Variants in METTL15 observed in about 807,000 individuals in gnomAD.
METTL15 encodes methyltransferase 15, mitochondrial 12S rRNA N4-cytidine.
METTL15 carries 34 observed loss-of-function variants against 38.3 expected under a neutral mutation model. The ratio of observed to expected loss-of-function variants is 0.89; its 90% CI spans 0.68 to 1.18. The LOEUF is 1.18. METTL15 is among the 50% of genes most tolerant of loss of function. The probability of loss-of-function intolerance (pLI) is 0.00; values close to 1 mark genes in which losing one functional copy is unlikely to be tolerated. For missense variants in METTL15, 438 were observed against 498.4 expected, an observed-to-expected ratio of 0.88 and a Z score of 1.15; for synonymous variants, 162 against 170.9, an observed-to-expected ratio of 0.95 and a Z score of 0.41.
intron 6 of METTL15, among the ~76,000 whole-genome samples, chr11:28,463,889 C>T (rs942448147): frequency 6.6e-6 from 1 of 152,068 alleles, no homozygotes; most frequent in Non-Finnish European, 1.5e-5. Context: ...ACTTCTACCA[C>T]TGGGTGGAAC....
chr11:28,257,079 C>A (rs1855002375), intron 4 of METTL15, among the ~76,000 whole-genome samples: 1 of 152,018 alleles, frequency 6.6e-6, no homozygotes, highest in African/African-American at 2.4e-5. Flanking sequence ...TCGGATGGGT[C>A]TGGTGTTCAT....
At chr11:28,180,677 G>A (rs190917835) in intron 3 of METTL15, among the ~76,000 whole-genome samples, 1 of 151,764 alleles carries the variant, frequency 6.6e-6, no homozygotes, top group Non-Finnish European at 1.5e-5. Context: ...TAGTAGTCTT[G>A]TTTTCTGAGA....
At chr11:28,339,100 CT>C (rs1302003577) in intron 3 of METTL15, among the ~76,000 whole-genome samples, 1 of 152,020 alleles carries the variant, frequency 6.6e-6, no homozygotes, top group Non-Finnish European at 1.5e-5. Context: ...CATCTTAGCC[CT>C]TGAAGTTGGA....
At chr11:28,367,156 G>A (rs969486616) in intron 5 of METTL15, among the ~76,000 whole-genome samples, 3 of 151,326 alleles carry the variant, frequency 2.0e-5, no homozygotes, top group South Asian at 4.2e-4. Flanking sequence ...CTGACTCAGA[G>A]TGTTGACAGG....
chr11:28,111,357 A>C (rs1030861987), intron 2 of METTL15, among the ~76,000 whole-genome samples: 2 of 152,228 alleles, frequency 1.3e-5, no homozygotes, highest in Non-Finnish European at 2.9e-5. Context: ...TTTAGTTATC[A>C]AAATCTGGAC....
chr11:28,311,943 G>T (rs569010585), intron 6 of METTL15, among the ~76,000 whole-genome samples: 2 of 152,306 alleles, frequency 1.3e-5, no homozygotes, highest in Admixed American at 6.5e-5. Context: ...AGCAGGTAGA[G>T]ATATCAGTGG....
chr11:28,396,921 C>T (rs1397807984), intron 5 of METTL15, among the ~76,000 whole-genome samples: 1 of 152,092 alleles, frequency 6.6e-6, no homozygotes, highest in African/African-American at 2.4e-5. Context: ...GAACAGAGCC[C>T]TCAGAAATAA....
chr11:28,180,607 G>C (rs1397075979), intron 3 of METTL15, among the ~76,000 whole-genome samples: 1 of 151,586 alleles, frequency 6.6e-6, no homozygotes, highest in Non-Finnish European at 1.5e-5. Context: ...CCTTTTCTTT[G>C]TACTTCTCTT....
In METTL15 at chr11:28,113,480, C is replaced by A; in HGVS notation, c.146C>A (p.Thr49Lys). ...AGAGAATATGAAGCCCGGGAGCAAA[C>A]AGATCAAACTCAAGCCCAGGAGTTA... Reference protein sequence around the residue: ...KYREYEAREQTDQTQAQELHR... With the variant: ...KYREYEAREQKDQTQAQELHR... The change falls in exon 3 of 7, where the codon ACA becomes AAA. Residue 49 changes from threonine to lysine, a missense_variant. Transcript: ENST00000407364. 1 of 1,612,602 alleles carries A rather than the reference C, an allele frequency of 6.2e-7. No homozygotes were observed. The highest frequency in any genetic ancestry group is 8.5e-7 in the Non-Finnish European group (1 of 1,179,814).
rs1349803905 is a variant in METTL15 at position 28,327,932 on chromosome 11, A to G, written c.779-2464A>G. The G allele has an allele frequency of 1.4e-5, 5 of 348,964 alleles. No homozygotes were observed. In the East Asian group the frequency reaches 1.7e-4, roughly 12 times the overall value. 21.6% of individuals were successfully genotyped at this position (348,964 alleles called of 1,614,324 possible). A position where few individuals can be genotyped will look rare whatever the true frequency, so the allele number is the denominator to read the frequency against. Reference sequence around the variant, plus strand: ...AAAATGTCAATAAAGTTAAGCAGTTATGTTGAACCATCATTTTAATTTCTG... The same window carrying G: ...AAAATGTCAATAAAGTTAAGCAGTTGTGTTGAACCATCATTTTAATTTCTG... On this transcript the variant is annotated intron_variant, in intron 6 of 6. Coordinates refer to ENST00000407364, the MANE Select transcript of METTL15 (RefSeq NM_001113528.2).
chr11:28,410,514 T>A (rs1850715296), intron 5 of METTL15, among the ~76,000 whole-genome samples: 1 of 152,076 alleles, frequency 6.6e-6, no homozygotes, highest in Non-Finnish European at 1.5e-5. Flanking sequence ...GAATAAAAAG[T>A]ATAAACACTT....
chr11:28,122,353 GTGTGTGTGTGTGTGTGTGTA>G (rs1852283698), intron 3 of METTL15, among the ~76,000 whole-genome samples: 1 of 116,432 alleles, frequency 8.6e-6, no homozygotes, highest in Non-Finnish European at 1.8e-5. Flanking sequence ...GTGTGTGTGT[GTGTGTGTGTGTGTGTGTGTA>G]TATATATATA....
chr11:28,288,430 TAGACTGGATAAAGAAATGTG>T (rs1239328723), intron 4 of METTL15, among the ~76,000 whole-genome samples: 30 of 152,088 alleles, frequency 2.0e-4, no homozygotes, highest in Non-Finnish European at 1.5e-4. Flanking sequence ...CCATTAATGG[TAGACTGGATAAAGAAATGTG>T]GTACATATAC....
At chr11:28,294,006 G>T (rs1026588606) in intron 5 of METTL15, among the ~76,000 whole-genome samples, 1 of 152,084 alleles carries the variant, frequency 6.6e-6, no homozygotes, top group Non-Finnish European at 1.5e-5. Context: ...CTGCAAACAG[G>T]GACAATTTGA....
chr11:28,190,381 G>A (rs937036347), intron 3 of METTL15, among the ~76,000 whole-genome samples: 5 of 151,194 alleles, frequency 3.3e-5, no homozygotes, highest in African/African-American at 1.2e-4. Flanking sequence ...CTCTTTGGAT[G>A]TAAATTCCAA....
At chr11:28,126,825 A>G (rs1256162981) in intron 3 of METTL15, among the ~76,000 whole-genome samples, 1 of 152,184 alleles carries the variant, frequency 6.6e-6, no homozygotes, top group Non-Finnish European at 1.5e-5. Context: ...TCAAGTGAAT[A>G]TGAAATTTCC....
chr11:28,318,500 A>G (rs1222329614), intron 6 of METTL15, among the ~76,000 whole-genome samples: 3 of 152,194 alleles, frequency 2.0e-5, no homozygotes, highest in African/African-American at 7.2e-5. Flanking sequence ...CAGAAATGAG[A>G]ACAAGAAGCA....
intron 6 of METTL15, among the ~76,000 whole-genome samples, chr11:28,493,468 G>T (rs940024030): frequency 6.6e-6 from 1 of 152,174 alleles, no homozygotes; most frequent in Non-Finnish European, 1.5e-5. Flanking sequence ...TCAATATGAA[G>T]CAGACTATTT....
At chr11:28,360,900 C>T (rs1850132330) in intron 4 of METTL15, among the ~76,000 whole-genome samples, 1 of 146,866 alleles carries the variant, frequency 6.8e-6, no homozygotes, top group Admixed American at 7.1e-5. Context: ...TGAGTGAGAA[C>T]ATGCGGTGTT....
Sources: allele counts gnomAD v4.1 joint callset (sites outside exome capture counted in the v4.1 genomes callset), GRCh38; gene constraint gnomAD v4.1.1; transcripts MANE v1.5; gene names NCBI Gene and HGNC (gene_info 2026-07-23, HGNC 2026-07-21).